The following SCN8A variants were observed in gnomAD, a reference collection of about 807,000 sequenced individuals.
SCN8A encodes sodium channel protein type 8 subunit alpha.
In SCN8A, 30 loss-of-function variants were observed where a neutral mutation model predicts 184.1. That is an observed-to-expected ratio of 0.16 (90% CI 0.12 to 0.22). SCN8A has a LOEUF of 0.22. Ranked by LOEUF, SCN8A falls within the 10% of genes least tolerant of loss-of-function variation. The pLI is 1.00. For synonymous variants in SCN8A, 852 were observed against 907.0 expected (o/e 0.94, Z 1.09); for missense variants, 1,057 against 2,498.9 (o/e 0.42, Z 12.30).
chr12:51,717,573 G>A (rs1941986013), intron 11 of SCN8A, among the ~76,000 whole-genome samples: 1 of 152,184 alleles, frequency 6.6e-6, no homozygotes, highest in Non-Finnish European at 1.5e-5. Context: ...CAAAGGGGGT[G>A]CCCAAACATA....
chr12:51,674,851 A>G (rs550088324), intron 2 of SCN8A, among the ~76,000 whole-genome samples: 2 of 152,342 alleles, frequency 1.3e-5, no homozygotes, highest in East Asian at 3.9e-4. Context: ...CACTTTATCA[A>G]TAAGAAAACT....
chr12:51,802,745 C>G (rs976453662), intron 26 of SCN8A, among the ~76,000 whole-genome samples: 1 of 152,172 alleles, frequency 6.6e-6, no homozygotes, highest in African/African-American at 2.4e-5. Context: ...AAATGTATTA[C>G]GTACAGAGTC....
At chr12:51,779,082 G>A (rs539828974) in intron 20 of SCN8A, among the ~76,000 whole-genome samples, 2 of 152,146 alleles carry the variant, frequency 1.3e-5, no homozygotes, top group South Asian at 4.2e-4. Flanking sequence ...GGGCATGGTG[G>A]CACATGCCTG....
chr12:51,710,692 T>C (rs575096019), intron 11 of SCN8A, among the ~76,000 whole-genome samples: 1 of 152,292 alleles, frequency 6.6e-6, no homozygotes, highest in Admixed American at 6.5e-5. Flanking sequence ...ACCAAAAAAT[T>C]AAAATTAAAT....
In SCN8A at chr12:51,594,790, T is replaced by C. The variant is rs373080035; in HGVS notation, c.-55+3431T>C. On this transcript the variant is annotated intron_variant, in intron 1 of 26. Coordinates refer to ENST00000627620, the MANE Select transcript of SCN8A (RefSeq NM_001330260.2). ...TCTGTGTTTTATTATGTTTTTCCAG[T>C]CTTTTTTTTTCCCATAGAGAGGGAA... Among the ~76,000 whole-genome samples the C allele has an allele frequency of 1.4e-4, 22 of 152,284 alleles. No homozygotes were observed. In the East Asian group the frequency reaches 1.7e-3, roughly 12 times the overall value.
intron 12 of SCN8A, among the ~76,000 whole-genome samples, chr12:51,735,754 G>A (rs1382584697): frequency 2.0e-5 from 3 of 152,080 alleles, no homozygotes; most frequent in Non-Finnish European, 4.4e-5. Flanking sequence ...GGGGGTCCTC[G>A]GGATCCTCCT....
At chr12:51,618,388 C>T (rs1388005858) in intron 1 of SCN8A, among the ~76,000 whole-genome samples, 2 of 151,314 alleles carry the variant, frequency 1.3e-5, no homozygotes, top group African/African-American at 4.9e-5. Context: ...GTAGCTTTTT[C>T]TGTCTGTGCT....
chr12:51,647,390 A>T (rs1940614025), intron 1 of SCN8A, among the ~76,000 whole-genome samples: 1 of 152,232 alleles, frequency 6.6e-6, no homozygotes, highest in Non-Finnish European at 1.5e-5. Context: ...GGAAGAGACC[A>T]GTTCTTGAGA....
At chr12:51,684,414 A>T in intron 3 of SCN8A, 122 bp downstream of exon 3, 1 of 692,362 alleles carries the variant, frequency 1.4e-6, no homozygotes, top group Non-Finnish European at 2.6e-6. Flanking sequence ...TAACTAGCCC[A>T]TCAGTCAGAG....
intron 2 of SCN8A, among the ~76,000 whole-genome samples, chr12:51,673,246 T>G (rs1220095831): frequency 6.6e-6 from 1 of 152,184 alleles, no homozygotes; most frequent in Admixed American, 6.5e-5. Flanking sequence ...TACATTGTAT[T>G]AAGTATTATA....
At chr12:51,636,695 A>G (rs1405393484) in intron 1 of SCN8A, among the ~76,000 whole-genome samples, 8 of 152,238 alleles carry the variant, frequency 5.3e-5, no homozygotes, top group African/African-American at 1.7e-4. Flanking sequence ...GCTGGATACC[A>G]TTCTTTCATT....
chr12:51,752,095 G>A (rs938954929), intron 14 of SCN8A, among the ~76,000 whole-genome samples: 2 of 152,038 alleles, frequency 1.3e-5, no homozygotes, highest in Non-Finnish European at 2.9e-5. Context: ...CTCAAGGCTG[G>A]TTTCCCCCTC....
chr12:51,655,737 C>T (rs1871998), intron 1 of SCN8A, among the ~76,000 whole-genome samples: 110,844 of 152,048 alleles, frequency 0.73, 42,757 homozygotes, highest in East Asian at 0.86. Flanking sequence ...TTTGTTTGTC[C>T]GTATCTTTGA....
At position 51,662,961 on chromosome 12, in the gene SCN8A, T is replaced by C. The variant is rs767914121; in HGVS notation, c.144T>C (p.Asp48=). The C allele has an allele frequency of 6.8e-6, 11 of 1,614,040 alleles. No individual in the cohort carries two copies. Among genetic ancestry groups the C allele is most frequent in the Non-Finnish European group, 9.3e-6 (11 of 1,179,902 alleles). The change falls in exon 2 of 27, where the codon GAT becomes GAC. Residue 48 remains aspartate, a synonymous_variant. Transcript: ENST00000627620. ...CCGATGGCAGTCATCGGGAGGACGATGAGGACAGCAAGCCCAAGCCAAACA... is the reference window on the plus strand; with the variant it reads ...CCGATGGCAGTCATCGGGAGGACGACGAGGACAGCAAGCCCAAGCCAAACA... ...PKADGSHRED[D]EDSKPKPNSD...
chr12:51,614,160 G>C (rs1410660213), intron 1 of SCN8A, among the ~76,000 whole-genome samples: 1 of 151,922 alleles, frequency 6.6e-6, no homozygotes, highest in African/African-American at 2.4e-5. Flanking sequence ...TATACTTGTG[G>C]ATTTGTCCAT....
At chr12:51,701,238 C>G (rs1325784801) in intron 8 of SCN8A, 31 bp downstream of exon 8, 1 of 1,455,896 alleles carries the variant, frequency 6.9e-7, no homozygotes, top group Non-Finnish European at 9.4e-7. Flanking sequence ...TATTCTCTTT[C>G]CTTAAAATAA....
intron 1 of SCN8A, among the ~76,000 whole-genome samples, chr12:51,616,690 T>C (rs1390524288): frequency 6.6e-6 from 1 of 152,116 alleles, no homozygotes; most frequent in Non-Finnish European, 1.5e-5. Flanking sequence ...GAGGCTGACA[T>C]GGGAGGACTG....
chr12:51,763,442 TATATTAAATGCATTTTTACTTACA>T (rs1942792238), intron 15 of SCN8A, among the ~76,000 whole-genome samples: 1 of 152,216 alleles, frequency 6.6e-6, no homozygotes. Context: ...GTAGGTTACG[TATATTAAATGCATTTTTACTTACA>T]GCAGTTTCAA....
intron 1 of SCN8A, among the ~76,000 whole-genome samples, chr12:51,610,558 C>T (rs1479974650): frequency 3.9e-5 from 6 of 152,088 alleles, no homozygotes; most frequent in Non-Finnish European, 7.4e-5. Flanking sequence ...ATTTAGAGCT[C>T]GTTTTAGCAG....
Sources: gnomAD v4.1 joint callset for allele counts (sites outside exome capture counted in the v4.1 genomes callset) on GRCh38, gnomAD v4.1.1 for gene constraint, MANE v1.5 for transcripts, NCBI Gene and HGNC (gene_info 2026-07-23, HGNC 2026-07-21) for gene names.